The following ZNF878 variants were observed in gnomAD, a reference collection of about 807,000 sequenced individuals.
The protein encoded by ZNF878 is zinc finger protein 878.
Under a neutral mutation model 11.1 loss-of-function variants are expected in ZNF878, and 10 were observed. The ratio of observed to expected loss-of-function variants is 0.90; its 90% CI spans 0.56 to 1.53. The LOEUF (loss-of-function observed/expected upper bound fraction) is 1.53, where lower values mean the gene tolerates loss of function less well. ZNF878 is among the 40% of genes most tolerant of loss of function. The pLI is 0.00. For synonymous variants in ZNF878, 165 were observed against 209.7 expected (o/e 0.79, Z 1.84); for missense variants, 548 against 626.1 (o/e 0.88, Z 1.33).
intron 1 of ZNF878, among the ~76,000 whole-genome samples, chr19:12,048,814 C>G (rs963903993): frequency 7.6e-6 from 1 of 130,754 alleles, no homozygotes; most frequent in African/African-American, 3.0e-5. Flanking sequence ...GCTTGGGCAA[C>G]AGAGCAAGAC....
chr19:12,046,542 C>T, intron 2 of ZNF878, 92 bp downstream of exon 2: 1 of 1,587,086 alleles, frequency 6.3e-7, no homozygotes. Context: ...TCAAAGTATT[C>T]CCTGACCATA....
rs1055373748 is a variant in ZNF878, at chr19:12,047,587, T to C, written c.4-827A>G. Among the ~76,000 whole-genome samples the C allele has an allele frequency of 7.9e-5, 12 of 151,494 alleles. 1 individual carries two copies. The highest frequency in any genetic ancestry group is 7.9e-4 in the Admixed American group (12 of 15,190). ...GGTTAAAAAAAAAAAAAAATTCTAATTGATAAGAGAGTCATAACTAACTAA... is the reference window on the plus strand; with the variant it reads ...GGTTAAAAAAAAAAAAAAATTCTAACTGATAAGAGAGTCATAACTAACTAA... On this transcript the variant is annotated intron_variant, in intron 1 of 3. Coordinates refer to ENST00000547628, the MANE Select transcript of ZNF878 (RefSeq NM_001080404.3).
rs1479704909 is a variant in ZNF878 at position 12,046,769 on chromosome 19, T to C, written c.4-9A>G. 2 of 1,613,758 alleles carry C rather than the reference T, an allele frequency of 1.2e-6. No individual in the cohort carries two copies. The highest frequency in any genetic ancestry group is 1.7e-6 in the Non-Finnish European group (2 of 1,179,818). ...TCAAAGGCCACCGAATCCTGAAATA[T>C]CCCACATGTGGACAGGAGGATGAGT... On this transcript the variant is annotated splice_polypyrimidine_tract_variant and intron_variant, in intron 1 of 3. Coordinates refer to ENST00000547628, the MANE Select transcript of ZNF878 (RefSeq NM_001080404.3).
In ZNF878 at chr19:12,046,391, G is replaced by A. The variant is rs779414232; in HGVS notation, c.168C>T (p.His56=). Residue 56 remains histidine, a synonymous_variant, in exon 3 of 4, where the codon CAC becomes CAT. Transcript: ENST00000547628. ...KWNNQYIEDE[H]QNPRRNLRRL... is the part of the protein sequence containing the mutation. ...ACCTTAGGTTTCTCCTAGGATTTTG[G>A]TGCTCATCTTCAATGTACTGGTTGT... 10 of 1,577,112 alleles carry A rather than the reference G, an allele frequency of 6.3e-6. No homozygotes were observed. The highest frequency in any genetic ancestry group is 1.4e-5 in the African/African-American group (1 of 74,034).
rs541259875 is a variant in ZNF878 at position 12,048,632 on chromosome 19, G to A, written c.4-1872C>T. Among the ~76,000 whole-genome samples, 67 of 151,748 alleles carry A rather than the reference G, an allele frequency of 4.4e-4. 1 individual carries two copies. The Middle Eastern group carries it at 0.01, about 23-fold the overall frequency. On this transcript the variant is annotated intron_variant, in intron 1 of 3. Transcript: ENST00000547628. ...ATGGATCACCTGAGCTCAGGAGTTC[G>A]AGACCAGCCTGGCCAACCAGGTGAA...
In ZNF878 at chr19:12,044,404, G is replaced by A. The variant is rs756632499; in HGVS notation, c.997C>T (p.His333Tyr). Residue 333 changes from histidine (H) to tyrosine (Y), a missense_variant, in exon 4 of 4, where the codon CAC (histidine) becomes TAC (tyrosine). Physicochemically the swap from His to Tyr is moderately conservative, Grantham distance 83. This residue lies in a region of ZNF878 where 335 missense variants were observed against 358.2 expected (regional missense o/e 0.94). Transcript: ENST00000547628. Reference protein sequence around the residue: ...STSFRYHEKTHTGEKPYECKK... With the variant: ...STSFRYHEKTYTGEKPYECKK... Reference sequence around the variant, plus strand: ...CATTCATAAGGTTTCTCTCCAGTGTGAGTCTTTTCATGATAGCGAAAGGAA... The same window carrying A: ...CATTCATAAGGTTTCTCTCCAGTGTAAGTCTTTTCATGATAGCGAAAGGAA... 8.1e-6 allele frequency: 13 copies of A among 1,613,990 alleles called. No individual in the cohort carries two copies. The highest frequency in any genetic ancestry group is 1.0e-5 in the Non-Finnish European group (12 of 1,179,992).
chr19:12,045,008 T>A lies in ZNF878; in HGVS notation c.393A>T (p.Ala131=). Residue 131 remains alanine, a synonymous_variant, in exon 4 of 4, where the codon GCA becomes GCT. Transcript: ENST00000547628. ...CCCCAGTGTGAGTTCTTCCATGTAT[T>A]GCAAGGCTACTGGAATAACTAAAGG... ...LRAFSYSSSL[A]IHGRTHTGEK... The A allele has an allele frequency of 6.2e-7, 1 of 1,614,168 alleles. No individual in the cohort carries two copies. Among genetic ancestry groups the A allele is most frequent in the Non-Finnish European group, 8.5e-7 (1 of 1,180,020 alleles).
chr19:12,045,903 T>G (rs1975478632), intron 3 of ZNF878, among the ~76,000 whole-genome samples: 1 of 151,834 alleles, frequency 6.6e-6, no homozygotes, highest in African/African-American at 2.4e-5. Flanking sequence ...GTATTTTTAG[T>G]AGAGACAGGC....
intron 1 of ZNF878, among the ~76,000 whole-genome samples, chr19:12,052,205 C>T (rs1017143706): frequency 2.0e-5 from 3 of 152,174 alleles, no homozygotes; most frequent in Non-Finnish European, 4.4e-5. Context: ...CTGTCAGGAG[C>T]TGCCTCGGGA....
intron 1 of ZNF878, among the ~76,000 whole-genome samples, chr19:12,048,178 C>G (rs1018257952): frequency 2.0e-5 from 3 of 152,118 alleles, no homozygotes; most frequent in Non-Finnish European, 2.9e-5. Flanking sequence ...TACTAAGTTA[C>G]TGGAAACTCC....
chr19:12,052,707 G>T (rs1289974904), intron 1 of ZNF878, 92 bp downstream of exon 1: 1 of 1,484,726 alleles, frequency 6.7e-7, no homozygotes, highest in Non-Finnish European at 9.0e-7. Context: ...CAGAGTCGCT[G>T]CAGGGGGGCC....
chr19:12,045,187 A>G lies in ZNF878; in HGVS notation c.214T>C (p.Ser72Pro). The change falls in exon 4 of 4, where the codon TCT becomes CCT. Residue 72 changes from serine to proline, a missense_variant. Physicochemically the swap from Ser to Pro is moderately conservative, Grantham distance 74 (BLOSUM62 -1). Transcript: ENST00000547628. ...NLRRLIGERL[S>P]ESKESHQHGE... ...TGCTGATGACTTTCTTTACTTTCAG[A>G]GAGTCTCTCCCCTATAAGTCTTCTG... 6.2e-7 allele frequency: 1 copy of G among 1,609,490 alleles called. No homozygotes were observed. Among genetic ancestry groups the G allele is most frequent in the Non-Finnish European group, 8.5e-7 (1 of 1,177,754 alleles).
intron 1 of ZNF878, among the ~76,000 whole-genome samples, chr19:12,050,481 C>A (rs1176017702): frequency 6.6e-6 from 1 of 152,062 alleles, no homozygotes; most frequent in African/African-American, 2.4e-5. Flanking sequence ...ATAGGTGATT[C>A]AAAAATTTAA....
chr19:12,044,544 G>GT lies in ZNF878; in HGVS notation c.856dup (p.Thr286AsnfsTer4). On this transcript the variant is annotated frameshift_variant, in exon 4 of 4. Coordinates refer to ENST00000547628, the MANE Select transcript of ZNF878 (RefSeq NM_001080404.3). LOFTEE classifies it low-confidence loss of function (END_TRUNC). ...AGATCTGAAGGCTTTCCTACATTGT[G>GT]TACACTCATAGGGTTTCTCTCCACT... 6 of 1,610,384 alleles carry GT rather than the reference G, an allele frequency of 3.7e-6. No homozygotes were observed. The South Asian group carries it at 5.5e-5, about 15-fold the overall frequency.
chr19:12,046,566 A>G, intron 2 of ZNF878, 68 bp downstream of exon 2: 3 of 1,607,818 alleles, frequency 1.9e-6, no homozygotes. Context: ...CAAATCACTC[A>G]ACAGCACTGA....
At chr19:12,045,520 T>C (rs8101690) in intron 3 of ZNF878, among the ~76,000 whole-genome samples, 26,906 of 151,566 alleles carry the variant, frequency 0.18, 5,832 homozygotes, top group African/African-American at 0.52. Context: ...TGGTGGCAGG[T>C]GCCTGCAGTC....
rs1975436612 is a variant in ZNF878 at position 12,044,334 on chromosome 19, A to G, written c.1067T>C (p.Ile356Thr). The change falls in exon 4 of 4, where the codon ATA (isoleucine) becomes ACA (threonine). Residue 356 changes from isoleucine to threonine, a missense_variant. Ile to Thr is a moderately conservative substitution (Grantham distance 89). Around this residue, in one of 3 missense-constraint regions of ZNF878, gnomAD observed 335 missense variants for 358.2 expected, o/e 0.94. Transcript: ENST00000547628. ...KAFSFVKDLR[I>T]HERTHTGEKP... is the part of the protein sequence containing the mutation. ...CTCTCCAGTGTGTGTCCTTTCATGT[A>G]TTCGAAGATCCTTGACAAAACTGAA... is the stretch of plus-strand genomic sequence containing the variant. 1 of 1,611,680 alleles carries G rather than the reference A, an allele frequency of 6.2e-7. No homozygotes were observed. The highest frequency in any genetic ancestry group is 8.5e-7 in the Non-Finnish European group (1 of 1,178,854).
rs902983273 is a variant in ZNF878 at position 12,046,428 on chromosome 19, C to G, written c.131G>C (p.Gly44Ala). 3 of 1,572,146 alleles carry G rather than the reference C, an allele frequency of 1.9e-6. No individual in the cohort carries two copies. Among genetic ancestry groups the G allele is most frequent in the Non-Finnish European group, 2.6e-6 (3 of 1,159,286 alleles). Residue 44 changes from glycine to alanine, a missense_variant and splice_region_variant, in exon 3 of 4, where the codon GGA becomes GCA. By Grantham distance (60) the Gly-to-Ala change is moderately conservative. Around this residue, in one of 3 missense-constraint regions of ZNF878, gnomAD observed 160 missense variants for 173.3 expected, o/e 0.92. Coordinates refer to ENST00000547628, the MANE Select transcript of ZNF878 (RefSeq NM_001080404.3). ...QETLRNLTSI[G>A]KKWNNQYIED... is the part of the protein sequence containing the mutation. ...AATGTACTGGTTGTTCCATTTTTTT[C>G]CTAAAATGCGGACCCAGAAAAATAG...
intron 1 of ZNF878, among the ~76,000 whole-genome samples, chr19:12,047,339 G>A (rs922599884): frequency 4.0e-5 from 6 of 151,690 alleles, no homozygotes; most frequent in Non-Finnish European, 8.8e-5. Context: ...GAAGGCGGGC[G>A]GATCGCCTGA....
Sources: allele counts gnomAD v4.1 joint callset (sites outside exome capture counted in the v4.1 genomes callset), GRCh38; gene constraint gnomAD v4.1.1; regional missense constraint gnomAD v4.1.1; transcripts MANE v1.5; gene names NCBI Gene and HGNC (gene_info 2026-07-23, HGNC 2026-07-21).